The following GRIK1 variants were observed in gnomAD, a reference collection of about 807,000 sequenced individuals.
GRIK1 encodes glutamate ionotropic receptor kainate type subunit 1.
GRIK1 carries 69 observed loss-of-function variants against 105.7 expected under a neutral mutation model. That is an observed-to-expected ratio of 0.65 (90% CI 0.54 to 0.80). GRIK1 has a LOEUF of 0.80. GRIK1 is among the 30% of genes least tolerant of loss of function. GRIK1 has a pLI of 0.00. For missense variants in GRIK1, 1,109 were observed against 1,167.3 expected (o/e 0.95, Z 0.73); for synonymous variants, 438 against 431.3 (o/e 1.02, Z -0.19).
At chr21:29,879,986 C>T (rs2069343617) in intron 1 of GRIK1, among the ~76,000 whole-genome samples, 2 of 152,228 alleles carry the variant, frequency 1.3e-5, no homozygotes, top group African/African-American at 2.4e-5. Context: ...GCAATTGTTA[C>T]AGTAATAGTT....
intron 3 of GRIK1, among the ~76,000 whole-genome samples, chr21:29,685,872 G>T (rs1004253351): frequency 6.6e-6 from 1 of 152,152 alleles, no homozygotes; most frequent in African/African-American, 2.4e-5. Flanking sequence ...CCTAAGTGGA[G>T]CATAGAAGCT....
chr21:29,833,641 T>A (rs2067702360), intron 1 of GRIK1, among the ~76,000 whole-genome samples: 1 of 152,114 alleles, frequency 6.6e-6, no homozygotes, highest in Admixed American at 6.6e-5. Flanking sequence ...TCACTCACTG[T>A]CATCAGAACA....
Position 29,918,000 on chromosome 21 carries a change from T to C in GRIK1, c.118+21383A>G, listed in dbSNP as rs183659745. Among the ~76,000 whole-genome samples, 242 of 152,146 alleles carry C rather than the reference T, an allele frequency of 1.6e-3. 2 individuals are homozygous for C. Among genetic ancestry groups the C allele is most frequent in the Non-Finnish European group, 1.5e-3 (104 of 67,954 alleles). On this transcript the variant is annotated intron_variant, in intron 1 of 17. Coordinates refer to ENST00000327783, the MANE Select transcript of GRIK1 (RefSeq NM_001330994.2). ...TTTTTAATTCAAACTCTGCATTATATAGAGAAAGATGAACTAATAGATGAG... is the reference window on the plus strand; with the variant it reads ...TTTTTAATTCAAACTCTGCATTATACAGAGAAAGATGAACTAATAGATGAG...
At chr21:29,801,860 CTCTT>C (rs1262103958) in intron 1 of GRIK1, among the ~76,000 whole-genome samples, 1 of 152,120 alleles carries the variant, frequency 6.6e-6, no homozygotes, top group Non-Finnish European at 1.5e-5. Flanking sequence ...TCTACCCACT[CTCTT>C]TTTTTTCTTT....
chr21:29,937,242 C>T (rs1188365753), intron 1 of GRIK1, among the ~76,000 whole-genome samples: 1 of 152,182 alleles, frequency 6.6e-6, no homozygotes, highest in Non-Finnish European at 1.5e-5. Flanking sequence ...GTGTGCTAAA[C>T]TGCTCATTTA....
intron 6 of GRIK1, among the ~76,000 whole-genome samples, chr21:29,650,135 T>C (rs2062701233): frequency 6.6e-6 from 1 of 152,202 alleles, no homozygotes; most frequent in African/African-American, 2.4e-5. Flanking sequence ...ATTTCAGGTT[T>C]GAAAAACAGT....
At chr21:29,788,470 G>C (rs1356357738) in intron 1 of GRIK1, among the ~76,000 whole-genome samples, 1 of 152,108 alleles carries the variant, frequency 6.6e-6, no homozygotes, top group East Asian at 1.9e-4. Flanking sequence ...TCAGAGAGTG[G>C]GTGGAAGTCA....
intron 1 of GRIK1, among the ~76,000 whole-genome samples, chr21:29,755,551 T>G (rs1044079776): frequency 5.9e-5 from 9 of 152,178 alleles, no homozygotes; most frequent in African/African-American, 2.2e-4. Flanking sequence ...GGTAAAGTCA[T>G]AGCGGCCACC....
intron 1 of GRIK1, among the ~76,000 whole-genome samples, chr21:29,923,533 G>A (rs2146332217): frequency 6.6e-6 from 1 of 152,276 alleles, no homozygotes; most frequent in Non-Finnish European, 1.5e-5. Flanking sequence ...GTTACAACGA[G>A]TGTTTCCTTT....
At chr21:29,691,441 A>G (rs2063582886) in intron 2 of GRIK1, among the ~76,000 whole-genome samples, 1 of 152,224 alleles carries the variant, frequency 6.6e-6, no homozygotes, top group East Asian at 1.9e-4. Context: ...TTCTAAGAGT[A>G]GATTTCCAGA....
intron 1 of GRIK1, among the ~76,000 whole-genome samples, chr21:29,885,053 A>G (rs867969744): frequency 4.6e-5 from 7 of 152,106 alleles, no homozygotes; most frequent in Non-Finnish European, 8.8e-5. Context: ...AATGAGAATG[A>G]GCTGCATTTT....
At chr21:29,903,413 A>G (rs1237334186) in intron 1 of GRIK1, among the ~76,000 whole-genome samples, 2 of 152,224 alleles carry the variant, frequency 1.3e-5, no homozygotes, top group African/African-American at 4.8e-5. Flanking sequence ...CAGAATCTAC[A>G]AAGAACTTAA....
chr21:29,620,528 T>C (rs2061960740), intron 7 of GRIK1, among the ~76,000 whole-genome samples: 3 of 152,112 alleles, frequency 2.0e-5, no homozygotes, highest in Non-Finnish European at 4.4e-5. Context: ...AGCACTTCGT[T>C]AGACTTGCTT....
chr21:29,895,203 A>C (rs954742726), intron 1 of GRIK1, among the ~76,000 whole-genome samples: 1 of 152,180 alleles, frequency 6.6e-6, no homozygotes, highest in Non-Finnish European at 1.5e-5. Flanking sequence ...TGGTCAACTC[A>C]GTGGATGATG....
intron 1 of GRIK1, among the ~76,000 whole-genome samples, chr21:29,791,041 A>G (rs1274421078): frequency 6.6e-6 from 1 of 152,152 alleles, no homozygotes; most frequent in Non-Finnish European, 1.5e-5. Flanking sequence ...AAGTGGTTGG[A>G]ACAGTTAGTG....
intron 1 of GRIK1, among the ~76,000 whole-genome samples, chr21:29,910,522 A>G (rs2146291550): frequency 6.6e-6 from 1 of 152,298 alleles, no homozygotes; most frequent in Admixed American, 6.5e-5. Flanking sequence ...AAGTCATGGT[A>G]GATTTTTCTT....
chr21:29,768,732 T>C (rs1244281985), intron 1 of GRIK1, among the ~76,000 whole-genome samples: 2 of 152,126 alleles, frequency 1.3e-5, no homozygotes, highest in South Asian at 2.1e-4. Flanking sequence ...TGAAGAGTTG[T>C]CTATTTCAGT....
At position 29,537,763 on chromosome 21, in the gene GRIK1, G is replaced by A. The variant is rs201946097; in HGVS notation, c.2694+35C>T. 4.7e-4 allele frequency: 447 copies of A among 959,084 alleles called. 5 individuals carry two copies. Among genetic ancestry groups the A allele is most frequent in the Admixed American group, 9.6e-4 (57 of 59,130 alleles). 59.4% of individuals were successfully genotyped at this position (959,084 alleles called of 1,614,324 possible). On this transcript the variant is annotated intron_variant, in intron 17 of 17. Transcript: ENST00000327783. ...CATTGATAGGATTATCAAGGCATAC[G>A]GACACTTCAGTAATGCTATAGAAAA... is the stretch of plus-strand genomic sequence containing the variant.
chr21:29,649,140 A>G lies in GRIK1; in HGVS notation c.954+1978T>C, dbSNP rs114399019. ...CCCAAAGTAGCCACATCCAGGAGAAACAGAAAGAAAACAGTCAAGTGCAAA... is the reference window on the plus strand; with the variant it reads ...CCCAAAGTAGCCACATCCAGGAGAAGCAGAAAGAAAACAGTCAAGTGCAAA... On this transcript the variant is annotated intron_variant, in intron 6 of 17. Transcript: ENST00000327783. 6.7e-3 allele frequency among the ~76,000 whole-genome samples: 1,024 copies of G among 152,270 alleles called. 10 individuals are homozygous for G. Among genetic ancestry groups the G allele is most frequent in the African/African-American group, 0.023 (968 of 41,538 alleles).
Sources: allele counts gnomAD v4.1 joint callset (sites outside exome capture counted in the v4.1 genomes callset), GRCh38; gene constraint gnomAD v4.1.1; transcripts MANE v1.5; gene names NCBI Gene and HGNC (gene_info 2026-07-23, HGNC 2026-07-21).